Variants in UNC13C observed in about 807,000 individuals in gnomAD.
UNC13C encodes unc-13 homolog C.
Under a neutral mutation model 245.4 loss-of-function variants are expected in UNC13C, and 174 were observed. That is an observed-to-expected ratio of 0.71 (90% CI 0.63 to 0.80). The LOEUF (loss-of-function observed/expected upper bound fraction) is 0.80. Ranked by LOEUF, UNC13C falls within the 30% of genes least tolerant of loss-of-function variation. UNC13C has a pLI of 0.00. For synonymous variants in UNC13C, 992 were observed against 895.1 expected, an observed-to-expected ratio of 1.11 and a Z score of -1.93; for missense variants, 2,829 against 2,602.9, an observed-to-expected ratio of 1.09 and a Z score of -1.89.
intron 2 of UNC13C, among the ~76,000 whole-genome samples, chr15:54,053,163 C>T (rs181565806): frequency 7.3e-5 from 11 of 151,222 alleles, no homozygotes; most frequent in African/African-American, 1.7e-4. Flanking sequence ...TACAGGTGTG[C>T]GCCACCACAC....
At chr15:54,227,037 T>A (rs1281233405) in intron 4 of UNC13C, among the ~76,000 whole-genome samples, 1 of 152,120 alleles carries the variant, frequency 6.6e-6, no homozygotes, top group African/African-American at 2.4e-5. Context: ...ATTCAGTGGG[T>A]CCTGAGTCCT....
In UNC13C at chr15:53,988,345, T is replaced by A. The variant is rs1010476486; in HGVS notation, c.-257+9418T>A. Among the ~76,000 whole-genome samples the A allele has an allele frequency of 3.9e-5, 6 of 151,930 alleles. No homozygotes were observed. In the East Asian group the frequency reaches 9.7e-4, roughly 25 times the overall value. ...ATATTTGAAAGAAGAGGGGATGATA[T>A]GTATTATTATTGGTCAGGGAGAATA... is the stretch of plus-strand genomic sequence containing the variant. On this transcript the variant is annotated intron_variant, in intron 1 of 32. Coordinates refer to ENST00000260323, the MANE Select transcript of UNC13C (RefSeq NM_001080534.3).
At position 54,143,679 on chromosome 15, in the gene UNC13C, T is replaced by G; in HGVS notation, c.3066T>G (p.Cys1022Trp). 1 of 1,612,734 alleles carries G rather than the reference T, an allele frequency of 6.2e-7. No homozygotes were observed. The highest frequency in any genetic ancestry group is 8.5e-7 in the Non-Finnish European group (1 of 1,178,890). Residue 1022 changes from cysteine to tryptophan, a missense_variant, in exon 4 of 33, where the codon TGT (cysteine) becomes TGG (tryptophan). By Grantham distance (215) the Cys-to-Trp change is radical. Transcript: ENST00000260323. ...CCAAATTTTCTGCACTCCAGGTGTG[T>G]GGTGGGTAAGTACCTTCATACCTTT... ...DASKFSALQVCGGAGGGLYGI... is the reference protein window; with the variant it reads ...DASKFSALQVWGGAGGGLYGI...
At chr15:54,176,721 T>C (rs1267823847) in intron 4 of UNC13C, among the ~76,000 whole-genome samples, 1 of 152,106 alleles carries the variant, frequency 6.6e-6, no homozygotes, top group Non-Finnish European at 1.5e-5. Flanking sequence ...AATAGTAACT[T>C]AAAAGCACAA....
chr15:54,503,448 T>C (rs28717026), intron 22 of UNC13C, among the ~76,000 whole-genome samples: 1 of 125,314 alleles, frequency 8.0e-6, no homozygotes, highest in Non-Finnish European at 1.7e-5. Context: ...TTTTTTTTTT[T>C]CTTTTTGAGA....
intron 17 of UNC13C, among the ~76,000 whole-genome samples, chr15:54,361,907 AT>A (rs5812756): frequency 0.18 from 27,163 of 152,178 alleles, 2,635 homozygotes; most frequent in East Asian, 0.42. Flanking sequence ...CTGTCCTGCT[AT>A]TTTTTTCTAG....
intron 26 of UNC13C, among the ~76,000 whole-genome samples, chr15:54,543,602 A>G (rs967297276): frequency 1.3e-5 from 2 of 152,280 alleles, no homozygotes; most frequent in East Asian, 3.9e-4. Context: ...ATAAAAAATG[A>G]TAAAGGTGAT....
At chr15:53,881,075 C>T in the UNC13C span, among the ~76,000 whole-genome samples, 1 of 152,126 alleles carries the variant, frequency 6.6e-6, no homozygotes, top group Non-Finnish European at 1.5e-5. Flanking sequence ...GTGTGTGAGC[C>T]ACAGAAAGGA....
At chr15:54,087,515 A>C (rs541581025) in intron 2 of UNC13C, among the ~76,000 whole-genome samples, 79 of 152,262 alleles carry the variant, frequency 5.2e-4, no homozygotes, top group Non-Finnish European at 4.4e-5. Context: ...TTTTATTTCA[A>C]TTTTCTCAGT....
the UNC13C span, among the ~76,000 whole-genome samples, chr15:53,947,014 G>GT: frequency 3.3e-5 from 5 of 152,218 alleles, no homozygotes; most frequent in African/African-American, 1.2e-4. Context: ...TTAATAGCTT[G>GT]TTATGCTTGG....
At chr15:54,041,256 T>A (rs910917552) in intron 2 of UNC13C, among the ~76,000 whole-genome samples, 1 of 152,154 alleles carries the variant, frequency 6.6e-6, no homozygotes, top group African/African-American at 2.4e-5. Flanking sequence ...TCCTTAAATA[T>A]CATTTTAATT....
In UNC13C at chr15:54,015,639, A is replaced by C. The variant is rs143506828; in HGVS notation, c.2736A>C (p.Thr912=). ...CATATGATCACCTTTCATATGAAAC[A>C]CCTTATGAAACCCCACAAGATGAGG... is the stretch of plus-strand genomic sequence containing the variant. ...MQAYDHLSYE[T]PYETPQDEGY... The change falls in exon 2 of 33, where the codon ACA becomes ACC. Residue 912 remains threonine, a synonymous_variant. Coordinates refer to ENST00000260323, the MANE Select transcript of UNC13C (RefSeq NM_001080534.3). 2,487 of 1,613,734 alleles carry C rather than the reference A, an allele frequency of 1.5e-3. 30 individuals carry two copies. In the African/African-American group the frequency reaches 0.028, roughly 18 times the overall value.
chr15:54,436,858 C>G (rs1890248959), intron 19 of UNC13C, among the ~76,000 whole-genome samples: 2 of 151,608 alleles, frequency 1.3e-5, no homozygotes, highest in Admixed American at 1.3e-4. Flanking sequence ...AAATTTAGAA[C>G]AATAAAAGGA....
intron 22 of UNC13C, among the ~76,000 whole-genome samples, chr15:54,503,140 T>A (rs543451): frequency 0.65 from 98,286 of 151,932 alleles, 32,083 homozygotes; most frequent in Middle Eastern, 0.73. Flanking sequence ...CAATAAAAAA[T>A]TCAATTAAGT....
intron 1 of UNC13C, among the ~76,000 whole-genome samples, chr15:53,988,904 G>A (rs937391861): frequency 6.6e-6 from 1 of 151,954 alleles, no homozygotes; most frequent in Admixed American, 6.6e-5. Context: ...TATTTATTGT[G>A]TGAATGAATA....
intron 32 of UNC13C, among the ~76,000 whole-genome samples, chr15:54,626,543 C>T (rs1327777404): frequency 2.6e-5 from 4 of 152,122 alleles, no homozygotes; most frequent in Non-Finnish European, 5.9e-5. Context: ...CCCATGACCC[C>T]TTTCCAACTC....
the UNC13C span, among the ~76,000 whole-genome samples, chr15:53,969,999 C>G: frequency 6.6e-6 from 1 of 150,576 alleles, no homozygotes; most frequent in African/African-American, 2.4e-5. Flanking sequence ...GCATATCTCA[C>G]TTAGCATAAT....
chr15:54,532,516 T>C (rs181834852), intron 25 of UNC13C, among the ~76,000 whole-genome samples: 60 of 152,310 alleles, frequency 3.9e-4, no homozygotes, highest in Non-Finnish European at 6.5e-4. Flanking sequence ...AACAACATCA[T>C]GTCCTTTGCA....
the UNC13C span, among the ~76,000 whole-genome samples, chr15:53,943,032 G>A: frequency 9.2e-5 from 14 of 152,210 alleles, no homozygotes; most frequent in African/African-American, 3.4e-4. Flanking sequence ...AAACATGTTA[G>A]TTTATATTTT....
Sources: gnomAD v4.1 joint callset for allele counts (sites outside exome capture counted in the v4.1 genomes callset) on GRCh38, gnomAD v4.1.1 for gene constraint, MANE v1.5 for transcripts, NCBI Gene and HGNC (gene_info 2026-07-23, HGNC 2026-07-21) for gene names.